The following CDK14 variants were observed in gnomAD, a reference collection of about 807,000 sequenced individuals.
CDK14 encodes cyclin-dependent kinase 14.
CDK14 carries 34 observed loss-of-function variants against 60.7 expected under a neutral mutation model. The observed-to-expected ratio is 0.56, with a 90% CI of 0.43 to 0.75. CDK14 has a LOEUF of 0.75. Among genes scored for constraint, CDK14 ranks in the 30% least tolerant of loss-of-function variants. The probability of loss-of-function intolerance (pLI) is 0.00; values close to 1 mark genes in which losing one functional copy is unlikely to be tolerated. For synonymous variants in CDK14, 197 were observed against 203.7 expected (o/e 0.97, Z 0.28); for missense variants, 482 against 564.1 (o/e 0.85, Z 1.47).
intron 10 of CDK14, among the ~76,000 whole-genome samples, chr7:90,986,561 G>A (rs900106552): frequency 5.3e-5 from 8 of 151,792 alleles, no homozygotes; most frequent in African/African-American, 1.9e-4. Flanking sequence ...AACATGTTTG[G>A]TTTTTTGTTC....
At chr7:90,896,866 T>C (rs1243368458) in intron 6 of CDK14, among the ~76,000 whole-genome samples, 1 of 152,228 alleles carries the variant, frequency 6.6e-6, no homozygotes, top group African/African-American at 2.4e-5. Flanking sequence ...GATTTCAGCT[T>C]TCTGGAAATT....
intron 2 of CDK14, among the ~76,000 whole-genome samples, chr7:90,653,916 T>A (rs1388441332): frequency 6.6e-6 from 1 of 152,118 alleles, no homozygotes; most frequent in Admixed American, 6.6e-5. Flanking sequence ...GAACAGGTGG[T>A]GTTTGGTTTT....
chr7:91,200,694 T>C (rs375757912), intron 14 of CDK14, among the ~76,000 whole-genome samples: 23 of 152,202 alleles, frequency 1.5e-4, no homozygotes, highest in East Asian at 5.8e-4. Context: ...ACTCCAGTGG[T>C]CACTGGGATC....
chr7:90,993,920 T>C (rs995823361), intron 10 of CDK14, among the ~76,000 whole-genome samples: 2 of 152,200 alleles, frequency 1.3e-5, no homozygotes, highest in Non-Finnish European at 2.9e-5. Flanking sequence ...TTCTGGAGGC[T>C]ATGGTTTACC....
intron 10 of CDK14, among the ~76,000 whole-genome samples, chr7:91,007,905 A>G (rs2115792071): frequency 1.3e-5 from 2 of 152,226 alleles, no homozygotes; most frequent in South Asian, 2.1e-4. Flanking sequence ...ACATTTTTAC[A>G]TTATATTTTC....
intron 2 of CDK14, among the ~76,000 whole-genome samples, chr7:90,693,966 TAA>T (rs1346600688): frequency 6.6e-6 from 1 of 152,164 alleles, no homozygotes; most frequent in Non-Finnish European, 1.5e-5. Flanking sequence ...TTGTTGGAAT[TAA>T]GTCATTTGGG....
chr7:91,041,857 C>T (rs560035927), intron 10 of CDK14, among the ~76,000 whole-genome samples: 2 of 152,350 alleles, frequency 1.3e-5, no homozygotes, highest in African/African-American at 4.8e-5. Context: ...ACACACCATT[C>T]ATTCATTCAG....
At chr7:90,983,361 A>G (rs1166325544) in intron 9 of CDK14, among the ~76,000 whole-genome samples, 1 of 152,196 alleles carries the variant, frequency 6.6e-6, no homozygotes, top group Non-Finnish European at 1.5e-5. Flanking sequence ...ATACCATGGA[A>G]TACTATGCAG....
At chr7:90,845,877 C>G (rs996610491) in intron 5 of CDK14, among the ~76,000 whole-genome samples, 1 of 152,066 alleles carries the variant, frequency 6.6e-6, no homozygotes, top group Non-Finnish European at 1.5e-5. Flanking sequence ...TTAAGCTCTC[C>G]TAGAATAGTG....
At chr7:91,011,778 C>T (rs560340280) in intron 10 of CDK14, among the ~76,000 whole-genome samples, 6 of 152,068 alleles carry the variant, frequency 3.9e-5, no homozygotes, top group Non-Finnish European at 8.8e-5. Context: ...TAGGTTTTAT[C>T]TCTAAAAGTT....
At chr7:90,626,531 A>C (rs1483945133) in intron 2 of CDK14, among the ~76,000 whole-genome samples, 1 of 152,236 alleles carries the variant, frequency 6.6e-6, no homozygotes, top group Non-Finnish European at 1.5e-5. Context: ...ATAGATTATA[A>C]TCTAAACTGA....
intron 8 of CDK14, among the ~76,000 whole-genome samples, chr7:90,948,835 A>G (rs1209594453): frequency 6.6e-6 from 1 of 152,230 alleles, no homozygotes; most frequent in Non-Finnish European, 1.5e-5. Context: ...TAACAAACCT[A>G]GATAGTGCCA....
At chr7:91,094,127 A>G (rs187676621) in intron 12 of CDK14, among the ~76,000 whole-genome samples, 1 of 152,246 alleles carries the variant, frequency 6.6e-6, no homozygotes, top group Admixed American at 6.5e-5. Context: ...GCAACATGCA[A>G]TTTACCCATG....
At chr7:90,971,549 A>G (rs1244243046) in intron 9 of CDK14, among the ~76,000 whole-genome samples, 1 of 152,100 alleles carries the variant, frequency 6.6e-6, no homozygotes, top group Non-Finnish European at 1.5e-5. Flanking sequence ...AGAAGCATTC[A>G]AAAAGGATGG....
chr7:90,970,219 G>T lies in CDK14; in HGVS notation c.948-13929G>T, dbSNP rs531830016. Among the ~76,000 whole-genome samples, 42 of 152,226 alleles carry T rather than the reference G, an allele frequency of 2.8e-4. No homozygotes were observed. The East Asian group carries it at 6.4e-3, about 23-fold the overall frequency. ...GACCTCAGGTGATCCACCCGCCTCT[G>T]CTTCCCAAAGTGCCGGGATTAAAGG... On this transcript the variant is annotated intron_variant, in intron 9 of 14. Coordinates refer to ENST00000380050, the MANE Select transcript of CDK14 (RefSeq NM_001287135.2).
chr7:90,759,022 C>T (rs985442523), intron 4 of CDK14, among the ~76,000 whole-genome samples: 1 of 147,702 alleles, frequency 6.8e-6, no homozygotes, highest in Non-Finnish European at 1.5e-5. Context: ...CACTATTGCA[C>T]TCCAGCCTGG....
chr7:90,873,143 G>A (rs185686034), intron 6 of CDK14, among the ~76,000 whole-genome samples: 7 of 152,186 alleles, frequency 4.6e-5, no homozygotes, highest in South Asian at 2.1e-4. Context: ...GTGGAGGCAC[G>A]AGAGTAATAC....
intron 10 of CDK14, among the ~76,000 whole-genome samples, chr7:91,001,673 C>G (rs940394805): frequency 6.6e-6 from 1 of 152,132 alleles, no homozygotes; most frequent in African/African-American, 2.4e-5. Context: ...CCACTCAAAC[C>G]CAAGAGGGAA....
intron 2 of CDK14, among the ~76,000 whole-genome samples, chr7:90,703,850 C>T (rs1388731713): frequency 6.6e-6 from 1 of 152,256 alleles, no homozygotes; most frequent in Middle Eastern, 3.4e-3. Context: ...CTTTGGGAGG[C>T]CAAGGAGGGT....
Sources: gnomAD v4.1 joint callset for allele counts (sites outside exome capture counted in the v4.1 genomes callset) on GRCh38, gnomAD v4.1.1 for gene constraint, MANE v1.5 for transcripts, NCBI Gene and HGNC (gene_info 2026-07-23, HGNC 2026-07-21) for gene names.